TXNDC16: variants seen among roughly 807,000 people sequenced by gnomAD.
TXNDC16 encodes thioredoxin domain-containing protein 16.
A neutral mutation model predicts 85.6 loss-of-function variants in TXNDC16; 74 were observed. The ratio of observed to expected loss-of-function variants is 0.86; its 90% confidence interval spans 0.72 to 1.05. The LOEUF is 1.05. Among genes scored for constraint, TXNDC16 ranks in the 50% least tolerant of loss-of-function variants. TXNDC16 has a pLI of 0.00. For synonymous variants in TXNDC16, 335 were observed against 326.5 expected, an observed-to-expected ratio of 1.03 and a Z score of -0.28; for missense variants, 959 against 947.0, an observed-to-expected ratio of 1.01 and a Z score of -0.17.
At chr14:52,525,319 G>A (rs1179624001) in intron 6 of TXNDC16, among the ~76,000 whole-genome samples, 1 of 151,810 alleles carries the variant, frequency 6.6e-6, no homozygotes. Flanking sequence ...TTTGATCATC[G>A]CAATAATCTC....
chr14:52,522,884 C>T (rs2037241486), intron 6 of TXNDC16, among the ~76,000 whole-genome samples: 1 of 152,184 alleles, frequency 6.6e-6, no homozygotes, highest in African/African-American at 2.4e-5. Flanking sequence ...GAAAGCAGAA[C>T]TATCATTAAC....
At chr14:52,494,001 G>A (rs1005766664) in intron 9 of TXNDC16, among the ~76,000 whole-genome samples, 5 of 151,764 alleles carry the variant, frequency 3.3e-5, no homozygotes, top group African/African-American at 1.2e-4. Context: ...GGCTGGTCTC[G>A]AACTCCTGGA....
intron 18 of TXNDC16, among the ~76,000 whole-genome samples, chr14:52,450,880 T>C (rs11621240): frequency 0.3 from 34,423 of 113,276 alleles, 4,092 homozygotes; most frequent in East Asian, 0.36. Flanking sequence ...TATATATATA[T>C]ACACACACAC....
Position 52,439,314 on chromosome 14 carries a change from T to C in TXNDC16, c.2084A>G (p.Asn695Ser), listed in dbSNP as rs2035109979. 6.2e-7 allele frequency: 1 copy of C among 1,614,082 alleles called. No individual in the cohort carries two copies. Among genetic ancestry groups the C allele is most frequent in the Non-Finnish European group, 8.5e-7 (1 of 1,179,988 alleles). ...AAATACTTGGCCACCTGAATGCAGA[T>C]TCACCAAAACAAGAAGAGGAAGGGG... ...LPPLPLLVLV[N>S]LHSGGQVFAF... Residue 695 changes from asparagine (N) to serine (S), a missense_variant, in exon 20 of 21, where the codon AAT becomes AGT. By Grantham distance (46) the Asn-to-Ser change is conservative. Coordinates refer to ENST00000281741, the MANE Select transcript of TXNDC16 (RefSeq NM_020784.3).
intron 7 of TXNDC16, 111 bp downstream of exon 7, chr14:52,519,061 A>G (rs1486704551): frequency 1.8e-6 from 2 of 1,120,642 alleles, no homozygotes; most frequent in African/African-American, 3.2e-5. Flanking sequence ...AAGATGCTTT[A>G]GATTTATTTT....
At chr14:52,539,347 C>T (rs2140225752) in intron 4 of TXNDC16, among the ~76,000 whole-genome samples, 1 of 152,268 alleles carries the variant, frequency 6.6e-6, no homozygotes, top group Admixed American at 6.5e-5. Flanking sequence ...GGGAAAATAT[C>T]TGCAAAGGCC....
chr14:52,464,711 C>G (rs1365262599), intron 16 of TXNDC16, among the ~76,000 whole-genome samples: 2 of 152,052 alleles, frequency 1.3e-5, no homozygotes, highest in Non-Finnish European at 2.9e-5. Flanking sequence ...GTGGGCAGAT[C>G]ACTACAGGCC....
chr14:52,504,941 CT>C (rs765686103), intron 9 of TXNDC16, among the ~76,000 whole-genome samples: 6 of 152,218 alleles, frequency 3.9e-5, no homozygotes, highest in South Asian at 2.1e-4. Context: ...ATAAAACAGA[CT>C]TTAAACCAAC....
In TXNDC16 at chr14:52,544,867, T is replaced by C. The variant is rs192311969; in HGVS notation, c.-181-496A>G. ...AGAAGCAAGAACTATAAGAGGTATA[T>C]AAAAATGCAATTTTAATGGCATAAT... On this transcript the variant is annotated intron_variant, in intron 1 of 20. Coordinates refer to ENST00000281741, the MANE Select transcript of TXNDC16 (RefSeq NM_020784.3). Among the ~76,000 whole-genome samples the C allele has an allele frequency of 9.2e-5, 14 of 152,166 alleles. No individual in the cohort carries two copies. In the East Asian group the frequency reaches 2.5e-3, roughly 27 times the overall value.
intron 12 of TXNDC16, among the ~76,000 whole-genome samples, chr14:52,485,121 T>C (rs2036238674): frequency 6.6e-6 from 1 of 152,198 alleles, no homozygotes; most frequent in Non-Finnish European, 1.5e-5. Flanking sequence ...TTACTGTCCC[T>C]GAAGACCTTC....
At chr14:52,464,477 A>C (rs1241541766) in intron 16 of TXNDC16, among the ~76,000 whole-genome samples, 1 of 152,210 alleles carries the variant, frequency 6.6e-6, no homozygotes, top group Non-Finnish European at 1.5e-5. Flanking sequence ...GCCTAGTGTG[A>C]ATAATAAATG....
At chr14:52,469,377 C>T (rs1007455211) in intron 16 of TXNDC16, among the ~76,000 whole-genome samples, 1 of 151,326 alleles carries the variant, frequency 6.6e-6, no homozygotes, top group Non-Finnish European at 1.5e-5. Flanking sequence ...AATTTAAATA[C>T]ATTTTGATAT....
intron 16 of TXNDC16, chr14:52,462,972 T>A (rs1016828446): frequency 2.9e-5 from 13 of 455,788 alleles, no homozygotes; most frequent in African/African-American, 2.4e-4. Flanking sequence ...TTTTCCTACC[T>A]ATGAGTGCAA....
chr14:52,441,446 T>C (rs2035162761), intron 18 of TXNDC16, among the ~76,000 whole-genome samples: 1 of 151,884 alleles, frequency 6.6e-6, no homozygotes, highest in South Asian at 2.1e-4. Flanking sequence ...CTGTCTCTAA[T>C]AAAAGTACAA....
At chr14:52,504,390 G>C (rs969113571) in intron 9 of TXNDC16, among the ~76,000 whole-genome samples, 1 of 152,202 alleles carries the variant, frequency 6.6e-6, no homozygotes, top group Non-Finnish European at 1.5e-5. Context: ...AACTCTACAA[G>C]CCAGAAGAGA....
intron 9 of TXNDC16, among the ~76,000 whole-genome samples, chr14:52,502,731 G>A (rs2036688622): frequency 6.6e-6 from 1 of 152,148 alleles, no homozygotes; most frequent in Admixed American, 6.5e-5. Flanking sequence ...GTGGGTGCAG[G>A]ACAGTCGGTA....
Position 52,431,250 on chromosome 14 carries a change from C to T in TXNDC16, c.*1054G>A, listed in dbSNP as rs537817222. 2.6e-5 allele frequency: 4 copies of T among 152,304 alleles called. No homozygotes were observed. The highest frequency in any genetic ancestry group is 6.5e-5 in the Admixed American group (1 of 15,290). The allele number at this position is 152,304 out of a possible 1,614,324, so 9.4% of individuals were successfully genotyped here. On this transcript the variant is annotated 3_prime_UTR_variant, in exon 21 of 21. Coordinates refer to ENST00000281741, the MANE Select transcript of TXNDC16 (RefSeq NM_020784.3). Reference sequence around the variant, plus strand: ...AGCTTGCAAGGGTAGATTTCAGAGACGCTTCAGATGAGGGAGCCTCTCTTT... The same window carrying T: ...AGCTTGCAAGGGTAGATTTCAGAGATGCTTCAGATGAGGGAGCCTCTCTTT...
At chr14:52,445,188 A>G (rs2035250926) in intron 18 of TXNDC16, among the ~76,000 whole-genome samples, 1 of 152,186 alleles carries the variant, frequency 6.6e-6, no homozygotes, top group Non-Finnish European at 1.5e-5. Flanking sequence ...TAATTCCAAA[A>G]ATACTACACT....
At chr14:52,524,937 A>G (rs1417405932) in intron 6 of TXNDC16, among the ~76,000 whole-genome samples, 2 of 151,912 alleles carry the variant, frequency 1.3e-5, no homozygotes, top group African/African-American at 4.8e-5. Context: ...CCTGGCCAAC[A>G]TGGTAAAACC....
Sources: gnomAD v4.1 joint callset for allele counts (sites outside exome capture counted in the v4.1 genomes callset) on GRCh38, gnomAD v4.1.1 for gene constraint, MANE v1.5 for transcripts, NCBI Gene and HGNC (gene_info 2026-07-23, HGNC 2026-07-21) for gene names.